The following NNT variants were observed in gnomAD, a reference collection of about 807,000 sequenced individuals.
NNT encodes NAD(P) transhydrogenase, mitochondrial.
Under a neutral mutation model 104.8 loss-of-function variants are expected in NNT, and 50 were observed. The observed-to-expected ratio is 0.48, with a 90% CI of 0.38 to 0.60. The LOEUF (loss-of-function observed/expected upper bound fraction) is 0.60, where lower values mean the gene tolerates loss of function less well. Among genes scored for constraint, NNT ranks in the 20% least tolerant of loss-of-function variants. The pLI is 0.00. For missense variants in NNT, 1,131 were observed against 1,330.7 expected, an observed-to-expected ratio of 0.85 and a Z score of 2.33; for synonymous variants, 461 against 490.4, an observed-to-expected ratio of 0.94 and a Z score of 0.79.
chr5:43,666,653 A>C, intron 17 of NNT: 2 of 570,030 alleles, frequency 3.5e-6, no homozygotes, highest in Non-Finnish European at 6.1e-6. Context: ...TTCCTGCCTC[A>C]GGTTTATTTG....
At position 43,615,851 on chromosome 5, in the gene NNT, C is replaced by T. The variant is rs886039789; in HGVS notation, c.385C>T (p.Arg129Ter). 4 of 1,603,660 alleles carry T rather than the reference C, an allele frequency of 2.5e-6. No homozygotes were observed. The highest frequency in any genetic ancestry group is 8.5e-7 in the Non-Finnish European group (1 of 1,175,294). The change falls in exon 4 of 22, where the codon CGA becomes TGA. Residue 129 changes from arginine to a stop codon, truncating the protein, a stop_gained. Coordinates refer to ENST00000344920, the MANE Select transcript of NNT (RefSeq NM_182977.3). LOFTEE classifies it high-confidence loss of function. ...VLASDLVVKVRAPMVNPTLGV... is the reference protein window; with the variant it reads ...VLASDLVVKV ...TGTGACTTGATTTTTTCCCCAGGTG[C>T]GAGCCCCTATGGTTAATCCAACATT... is the stretch of plus-strand genomic sequence containing the variant.
chr5:43,659,367 A>G lies in NNT; in HGVS notation c.2634+17A>G, dbSNP rs149583749. On this transcript the variant is annotated intron_variant, in intron 17 of 21. Transcript: ENST00000344920. ...ATGTGTGTGGTAAGAAACAACACAT[A>G]CATGAAACAAAAGGAAATGGCTTCC... 4,285 of 1,582,034 alleles carry G rather than the reference A, an allele frequency of 2.7e-3. 11 individuals carry two copies. The highest frequency in any genetic ancestry group is 3.2e-3 in the Non-Finnish European group (3,688 of 1,163,724).
At chr5:43,645,709 A>AGATATATTT (rs1739381018) in intron 10 of NNT, 199 bp downstream of exon 10, 1 of 44,290 alleles carries the variant, frequency 2.3e-5, no homozygotes, top group Non-Finnish European at 3.9e-5. Flanking sequence ...ATATATATAT[A>AGATATATTT]TTTTTTTTTT....
At chr5:43,680,967 T>C (rs534411921) in intron 19 of NNT, among the ~76,000 whole-genome samples, 7 of 152,210 alleles carry the variant, frequency 4.6e-5, no homozygotes, top group Admixed American at 1.3e-4. Flanking sequence ...GAGATAATGT[T>C]CCCATTGAGT....
At chr5:43,629,686 G>T (rs765159722) in intron 7 of NNT, among the ~76,000 whole-genome samples, 4 of 152,084 alleles carry the variant, frequency 2.6e-5, no homozygotes, top group Non-Finnish European at 5.9e-5. Context: ...GAGTAAGGTG[G>T]TATCTCATTG....
chr5:43,618,218 G>T (rs986989104), intron 4 of NNT, among the ~76,000 whole-genome samples: 3 of 152,168 alleles, frequency 2.0e-5, no homozygotes, highest in Non-Finnish European at 4.4e-5. Context: ...GGCTTTATGC[G>T]AAGTGTTTCA....
In NNT at chr5:43,628,363, C is replaced by G; in HGVS notation, c.940C>G (p.Leu314Val). 2 of 1,611,388 alleles carry G rather than the reference C, an allele frequency of 1.2e-6. No individual in the cohort carries two copies. Among genetic ancestry groups the G allele is most frequent in the Admixed American group, 3.3e-5 (2 of 59,752 alleles). The part of the protein sequence containing the change: ...FAQQCKEVDI[L>V]ISTALIPGKK... Reference sequence around the variant, plus strand: ...TCAACAATGCAAGGAGGTAGACATCCTTATCAGCACAGCACTTATTCCAGG... The same window carrying G: ...TCAACAATGCAAGGAGGTAGACATCGTTATCAGCACAGCACTTATTCCAGG... The change falls in exon 7 of 22, where the codon CTT becomes GTT. Residue 314 changes from leucine to valine, a missense_variant. Physicochemically the swap from Leu to Val is conservative, Grantham distance 32. Transcript: ENST00000344920.
At chr5:43,665,219 TTTA>T (rs781536048) in intron 17 of NNT, among the ~76,000 whole-genome samples, 386 of 116,836 alleles carry the variant, frequency 3.3e-3, no homozygotes, top group South Asian at 7.7e-3. Context: ...TATTTATTTA[TTTA>T]TTATTATTAT....
chr5:43,677,461 C>T (rs1741479583), intron 18 of NNT, among the ~76,000 whole-genome samples: 1 of 148,366 alleles, frequency 6.7e-6, no homozygotes, highest in African/African-American at 2.5e-5. Flanking sequence ...GAGGGAACAC[C>T]CAAGGGTGTG....
chr5:43,683,941 A>T (rs957176866), intron 19 of NNT, among the ~76,000 whole-genome samples: 1 of 152,180 alleles, frequency 6.6e-6, no homozygotes, highest in African/African-American at 2.4e-5. Flanking sequence ...ATTTGGGCAC[A>T]ATCTATAATT....
chr5:43,699,845 A>T (rs1271322062), intron 19 of NNT, among the ~76,000 whole-genome samples: 2 of 152,222 alleles, frequency 1.3e-5, no homozygotes, highest in Non-Finnish European at 2.9e-5. Context: ...TATTAACATT[A>T]TTGGAAGTTC....
intron 14 of NNT, 52 bp downstream of exon 14, chr5:43,653,265 T>A (rs775177594): frequency 6.7e-7 from 1 of 1,493,918 alleles, no homozygotes; most frequent in Non-Finnish European, 9.1e-7. Flanking sequence ...TCTCAATATA[T>A]ATTTCTAAGG....
rs1478129669 is a variant in NNT, at chr5:43,675,669, A to C, written c.2793A>C (p.Pro931=). Reference sequence around the variant, plus strand: ...AAGCTAATAGCATTATTATTACACCAGGTAAAGAAAAAAAGCAAAAGCAAA... The same window carrying C: ...AAGCTAATAGCATTATTATTACACCCGGTAAAGAAAAAAAGCAAAAGCAAA... ...IREANSIIIT[P]GYGLCAAKAQ... is the part of the protein sequence containing the mutation. The change falls in exon 18 of 22, where the codon CCA becomes CCC. Residue 931 remains proline (P), a splice_region_variant and synonymous_variant. Transcript: ENST00000344920. 6.3e-7 allele frequency: 1 copy of C among 1,586,684 alleles called. No individual in the cohort carries two copies. Among genetic ancestry groups the C allele is most frequent in the African/African-American group, 1.4e-5 (1 of 73,824 alleles).
intron 7 of NNT, 71 bp from the exon 8 acceptor site, chr5:43,644,121 C>T: frequency 7.2e-7 from 1 of 1,389,366 alleles, no homozygotes; most frequent in East Asian, 2.3e-5. Context: ...CCAGAGACTA[C>T]TGTAATAATT....
chr5:43,609,109 TGGCA>T, intron 1 of NNT, 30 bp from the exon 2 acceptor site: 1 of 989,084 alleles, frequency 1.0e-6, no homozygotes, highest in Admixed American at 2.4e-5. Context: ...GTTTTTTTCT[TGGCA>T]TATATACATC....
chr5:43,614,563 A>G (rs1237644979), intron 3 of NNT, among the ~76,000 whole-genome samples: 1 of 152,190 alleles, frequency 6.6e-6, no homozygotes, highest in Non-Finnish European at 1.5e-5. Flanking sequence ...ACCTAGAAAC[A>G]TATGCATCAC....
At chr5:43,681,994 C>G (rs954993902) in intron 19 of NNT, among the ~76,000 whole-genome samples, 1 of 152,046 alleles carries the variant, frequency 6.6e-6, no homozygotes, top group African/African-American at 2.4e-5. Flanking sequence ...CCTGAAATAT[C>G]TTGCATGTTT....
chr5:43,659,606 G>C (rs961818404), intron 17 of NNT, among the ~76,000 whole-genome samples: 1 of 152,070 alleles, frequency 6.6e-6, no homozygotes, highest in Non-Finnish European at 1.5e-5. Context: ...GTGGGTGCCT[G>C]TAATCCCAGC....
rs926312963 is a variant in NNT, at chr5:43,674,282, T to C, written c.2635-1229T>C. On this transcript the variant is annotated intron_variant, in intron 17 of 21. Coordinates refer to ENST00000344920, the MANE Select transcript of NNT (RefSeq NM_182977.3). ...TTAAAGTATGGCTTCTTGCTTATCTTCTGTGTACCTTTTCCTCCCTGCCTT... is the reference window on the plus strand; with the variant it reads ...TTAAAGTATGGCTTCTTGCTTATCTCCTGTGTACCTTTTCCTCCCTGCCTT... 2.0e-5 allele frequency among the ~76,000 whole-genome samples: 3 copies of C among 152,156 alleles called. No individual in the cohort carries two copies. In the East Asian group the frequency reaches 5.8e-4, roughly 29 times the overall value.
Sources: allele counts gnomAD v4.1 joint callset (sites outside exome capture counted in the v4.1 genomes callset), GRCh38; gene constraint gnomAD v4.1.1; transcripts MANE v1.5; gene names NCBI Gene and HGNC (gene_info 2026-07-23, HGNC 2026-07-21).